The following DCUN1D4 variants were observed in gnomAD, a reference collection of about 807,000 sequenced individuals.
DCUN1D4 encodes the protein defective in cullin neddylation 1 domain containing 4, also known as DCN1-like protein 4.
Under a neutral mutation model 47.9 loss-of-function variants are expected in DCUN1D4, and 22 were observed. The observed-to-expected ratio is 0.46, with a 90% CI of 0.33 to 0.66. DCUN1D4 has a LOEUF of 0.66. Ranked by LOEUF, DCUN1D4 falls within the 30% of genes least tolerant of loss-of-function variation. The probability of loss-of-function intolerance (pLI) is 0.02; values close to 1 mark genes in which losing one functional copy is unlikely to be tolerated. For synonymous variants in DCUN1D4, 121 were observed against 112.2 expected (o/e 1.08, Z -0.50); for missense variants, 301 against 340.8 (o/e 0.88, Z 0.92).
chr4:51,898,191 A>C (rs1339078552), intron 7 of DCUN1D4, among the ~76,000 whole-genome samples: 2 of 152,208 alleles, frequency 1.3e-5, no homozygotes, highest in Admixed American at 1.3e-4. Flanking sequence ...CATGCCACAC[A>C]GGGAGCTATA....
intron 1 of DCUN1D4, chr4:51,848,254 A>G (rs539318133): frequency 1.6e-6 from 2 of 1,289,408 alleles, no homozygotes; most frequent in Non-Finnish European, 1.0e-6. Context: ...GGAAAGAGTA[A>G]AATGCTGGTG....
intron 7 of DCUN1D4, among the ~76,000 whole-genome samples, chr4:51,892,967 T>C (rs1730670463): frequency 6.6e-6 from 1 of 152,264 alleles, no homozygotes; most frequent in Non-Finnish European, 1.5e-5. Flanking sequence ...GTCCATTTGT[T>C]ATTGTTGAGA....
intron 1 of DCUN1D4, chr4:51,845,152 G>C (rs1056592980): frequency 1.0e-6 from 1 of 985,350 alleles, no homozygotes; most frequent in Non-Finnish European, 1.2e-6. Context: ...ATGTAAAGCA[G>C]CCTTTAGAAT....
chr4:51,913,652 T>G lies in DCUN1D4; in HGVS notation c.*68T>G. 1 of 1,428,498 alleles carries G rather than the reference T, an allele frequency of 7.0e-7. No individual in the cohort carries two copies. The highest frequency in any genetic ancestry group is 9.8e-7 in the Non-Finnish European group (1 of 1,017,072). The allele number at this position is 1,428,498 out of a possible 1,614,324, so 88.5% of individuals were successfully genotyped here. A position where few individuals can be genotyped will look rare whatever the true frequency, so the allele number is the denominator to read the frequency against. On this transcript the variant is annotated 3_prime_UTR_variant, in exon 11 of 11. Coordinates refer to ENST00000334635, the MANE Select transcript of DCUN1D4 (RefSeq NM_001040402.3). ...TTGTCACCCATTAGCCATAAATTGC[T>G]GTTTGTATCAAAGCGCATGCTGCTT...
Position 51,913,706 on chromosome 4 carries a change from C to A in DCUN1D4, c.*122C>A. ...TTGCACTGTTTCCCTTTCGCAGGGA[C>A]ATGTTGGTGTTTGCTATTGAATTGG... On this transcript the variant is annotated 3_prime_UTR_variant, in exon 11 of 11. Coordinates refer to ENST00000334635, the MANE Select transcript of DCUN1D4 (RefSeq NM_001040402.3). The A allele has an allele frequency of 1.1e-6, 1 of 887,370 alleles. No individual in the cohort carries two copies. The highest frequency in any genetic ancestry group is 1.8e-6 in the Non-Finnish European group (1 of 559,598). 55.0% of individuals were successfully genotyped at this position (887,370 alleles called of 1,614,324 possible). A position where few individuals can be genotyped will look rare whatever the true frequency, so the allele number is the denominator to read the frequency against.
chr4:51,843,446 G>T (rs1721913180), intron 1 of DCUN1D4, 179 bp downstream of exon 1: 3 of 1,251,944 alleles, frequency 2.4e-6, no homozygotes, highest in South Asian at 4.3e-5. Context: ...GCGGCGTGGG[G>T]CGGGGGCGGG....
intron 3 of DCUN1D4, among the ~76,000 whole-genome samples, chr4:51,868,571 T>C (rs1360550686): frequency 6.6e-6 from 1 of 152,208 alleles, no homozygotes; most frequent in Non-Finnish European, 1.5e-5. Context: ...ACATAAAATC[T>C]ATGATGTTTA....
intron 3 of DCUN1D4, among the ~76,000 whole-genome samples, chr4:51,870,908 G>A (rs536621571): frequency 2.5e-4 from 38 of 152,138 alleles, no homozygotes; most frequent in African/African-American, 8.4e-4. Context: ...GGGTTCCAGG[G>A]TGGCTCTGCC....
intron 1 of DCUN1D4, among the ~76,000 whole-genome samples, chr4:51,854,712 C>G (rs994193165): frequency 2.0e-5 from 3 of 152,202 alleles, no homozygotes; most frequent in African/African-American, 4.8e-5. Flanking sequence ...ATGGAGTAAC[C>G]TCCATGTTGC....
intron 7 of DCUN1D4, among the ~76,000 whole-genome samples, chr4:51,893,371 G>GT (rs1467536304): frequency 1.3e-5 from 2 of 151,854 alleles, no homozygotes; most frequent in African/African-American, 2.4e-5. Context: ...CTATTCACTC[G>GT]TTTTTTCATT....
chr4:51,888,738 A>AG (rs1729945837), intron 6 of DCUN1D4, among the ~76,000 whole-genome samples: 1 of 151,806 alleles, frequency 6.6e-6, no homozygotes, highest in Non-Finnish European at 1.5e-5. Context: ...AAAAAAAAAA[A>AG]AAAAACTCCA....
intron 1 of DCUN1D4, among the ~76,000 whole-genome samples, chr4:51,845,595 A>G (rs1033566595): frequency 2.0e-5 from 3 of 152,206 alleles, no homozygotes; most frequent in African/African-American, 4.8e-5. Flanking sequence ...TTTACTGTTT[A>G]CAGGGAAGGG....
chr4:51,891,879 T>C (rs1411358043), intron 7 of DCUN1D4, 28 bp downstream of exon 7: 2 of 1,536,812 alleles, frequency 1.3e-6, no homozygotes, highest in Admixed American at 1.9e-5. Context: ...CTAGTGGGGG[T>C]CCCTGCCCTT....
intron 3 of DCUN1D4, among the ~76,000 whole-genome samples, chr4:51,870,935 T>A (rs1457395357): frequency 6.6e-6 from 1 of 152,160 alleles, no homozygotes; most frequent in East Asian, 1.9e-4. Context: ...AGCTGTGCTG[T>A]GTGGTCCTAA....
At chr4:51,841,235 A>G (rs907857548), upstream of DCUN1D4, among the ~76,000 whole-genome samples, 1 of 152,088 alleles carries the variant, frequency 6.6e-6, no homozygotes, top group African/African-American at 2.4e-5. Context: ...TACCATGGTA[A>G]ACGGTAAAAA....
At chr4:51,864,517 A>C (rs1327268273) in intron 3 of DCUN1D4, among the ~76,000 whole-genome samples, 1 of 152,246 alleles carries the variant, frequency 6.6e-6, no homozygotes, top group East Asian at 1.9e-4. Flanking sequence ...GTTTATAAAC[A>C]ATAGAACTTG....
chr4:51,856,483 T>C (rs1724162538), intron 1 of DCUN1D4, among the ~76,000 whole-genome samples: 1 of 152,182 alleles, frequency 6.6e-6, no homozygotes, highest in African/African-American at 2.4e-5. Context: ...ATTAAATTAC[T>C]TTAAGTGTGT....
chr4:51,894,085 A>T (rs1578005873), intron 7 of DCUN1D4, among the ~76,000 whole-genome samples: 3 of 152,214 alleles, frequency 2.0e-5, no homozygotes, highest in Admixed American at 2.0e-4. Context: ...TGTATGATGC[A>T]GGTGGTGGCA....
intron 5 of DCUN1D4, chr4:51,884,223 G>C (rs1460869842): frequency 2.0e-5 from 3 of 152,154 alleles, no homozygotes; most frequent in Non-Finnish European, 4.4e-5. Flanking sequence ...GGGGAGCCAA[G>C]GATTTGAAGC....
Sources: gnomAD v4.1 joint callset for allele counts (sites outside exome capture counted in the v4.1 genomes callset) on GRCh38, gnomAD v4.1.1 for gene constraint, MANE v1.5 for transcripts, NCBI Gene and HGNC (gene_info 2026-07-23, HGNC 2026-07-21) for gene names.